Variants in EFHC2 observed in about 807,000 individuals in gnomAD.
EFHC2 encodes the protein EF-hand domain-containing family member C2.
A neutral mutation model predicts 52.7 loss-of-function variants in EFHC2; 18 were observed. The observed-to-expected ratio is 0.34, with a 90% confidence interval of 0.24 to 0.51. The LOEUF (loss-of-function observed/expected upper bound fraction) is 0.51. Ranked by LOEUF, EFHC2 falls within the 20% of genes least tolerant of loss-of-function variation. The pLI, the probability that EFHC2 is intolerant of heterozygous loss-of-function variation, is 0.97. For synonymous variants in EFHC2, 203 were observed against 204.1 expected, an observed-to-expected ratio of 0.99 and a Z score of 0.04; for missense variants, 513 against 562.5, an observed-to-expected ratio of 0.91 and a Z score of 0.89.
intron 11 of EFHC2, among the ~76,000 whole-genome samples, chrX:44,184,854 T>C (rs1448628582): frequency 2.7e-5 from 3 of 111,170 alleles, no homozygotes; most frequent in East Asian, 5.6e-4. Flanking sequence ...ATTTTGAAGA[T>C]AGTCTTTATC....
At chrX:44,284,874 A>T (rs9887166) in intron 2 of EFHC2, 80 of 111,643 alleles carry the variant, frequency 7.2e-4, no homozygotes, top group African/African-American at 2.6e-3. Flanking sequence ...ATTCAAAAGC[A>T]CAAAGAAAAG....
chrX:44,178,621 C>T, intron 11 of EFHC2, 57 bp from the exon 12 acceptor site: 1 of 938,156 alleles, frequency 1.1e-6, no homozygotes, highest in East Asian at 3.4e-5. Context: ...CAGTATTTTA[C>T]ATCTCCTTCT....
At position 44,205,619 on chromosome X, in the gene EFHC2, A is replaced by T. The variant is rs375031687; in HGVS notation, c.1751+24030T>A. Among the ~76,000 whole-genome samples the T allele has an allele frequency of 4.1e-4, 46 of 111,544 alleles. 3 individuals carry two copies. Among genetic ancestry groups the T allele is most frequent in the Admixed American group, 2.5e-3 (26 of 10,505 alleles). On this transcript the variant is annotated intron_variant, in intron 11 of 14. Transcript: ENST00000420999. ...CAACAACTTTAAACCAACGACATTA[A>T]AAAAGGACAAAGAAGGGCACTATAT... is the stretch of plus-strand genomic sequence containing the variant.
intron 2 of EFHC2, chrX:44,309,690 G>C: frequency 1.9e-6 from 2 of 1,050,638 alleles, no homozygotes; most frequent in Non-Finnish European, 2.7e-6. Context: ...CCTCTTCTCT[G>C]CTAATAAGTT....
At chrX:44,230,205 GGCAAC>G (rs2037265244) in intron 10 of EFHC2, among the ~76,000 whole-genome samples, 1 of 111,274 alleles carries the variant, frequency 9.0e-6, no homozygotes, top group Non-Finnish European at 1.9e-5. Flanking sequence ...CTGTCCATTA[GGCAAC>G]GCACTGATGA....
rs1044722609 is a variant in EFHC2 at position 44,212,208 on chromosome X, A to T, written c.1751+17441T>A. Among the ~76,000 whole-genome samples, 3 of 110,876 alleles carry T rather than the reference A, an allele frequency of 2.7e-5. No homozygotes were observed. The East Asian group carries it at 8.5e-4, about 32-fold the overall frequency. On this transcript the variant is annotated intron_variant, in intron 11 of 14. Coordinates refer to ENST00000420999, the MANE Select transcript of EFHC2 (RefSeq NM_025184.4). ...AATCCAGTCTGGGCAATGTAACAAG[A>T]CCCCACTTCTAAAAAAGAACAAAAA...
chrX:44,268,490 T>C (rs1422162335), intron 3 of EFHC2, among the ~76,000 whole-genome samples: 2 of 111,437 alleles, frequency 1.8e-5, no homozygotes, highest in African/African-American at 6.5e-5. Flanking sequence ...AAAACAATAA[T>C]GCAAGTCACT....
chrX:44,226,645 G>C (rs924622791), intron 11 of EFHC2, among the ~76,000 whole-genome samples: 2 of 110,878 alleles, frequency 1.8e-5, no homozygotes, highest in African/African-American at 6.6e-5. Flanking sequence ...GACACAATCA[G>C]CCTACAGGTC....
intron 14 of EFHC2, among the ~76,000 whole-genome samples, chrX:44,161,195 ATAGCAAAAATAG>A (rs2147268206): frequency 8.9e-6 from 1 of 112,303 alleles, no homozygotes; most frequent in East Asian, 2.8e-4. Context: ...ACAAAGGCTT[ATAGCAAAAATAG>A]GTATGTCCTG....
At position 44,242,306 on chromosome X, in the gene EFHC2, G is replaced by A; in HGVS notation, c.1112-17C>T. On this transcript the variant is annotated splice_polypyrimidine_tract_variant and intron_variant, in intron 7 of 14. Transcript: ENST00000420999. ...TAAAGTTCTCTAGAACAAAACAAAG[G>A]CAAACAAAACATCAATATTTTTTTT... The A allele has an allele frequency of 1.7e-6, 2 of 1,195,210 alleles. No homozygotes were observed. The highest frequency in any genetic ancestry group is 1.9e-5 in the South Asian group (1 of 52,962).
chrX:44,283,531 C>CT (rs1423388565), intron 2 of EFHC2, among the ~76,000 whole-genome samples: 1 of 86,957 alleles, frequency 1.1e-5, no homozygotes, highest in African/African-American at 5.5e-5. Flanking sequence ...CACGGAAGTA[C>CT]CTTTTTTTTT....
chrX:44,295,994 CA>C (rs1382569141), intron 2 of EFHC2, among the ~76,000 whole-genome samples: 1 of 111,209 alleles, frequency 9.0e-6, no homozygotes, highest in African/African-American at 3.3e-5. Context: ...ACTTCTCCCC[CA>C]AAAAAGCCTT....
At chrX:44,283,549 T>TA (rs1556019132) in intron 2 of EFHC2, among the ~76,000 whole-genome samples, 2 of 103,556 alleles carry the variant, frequency 1.9e-5, no homozygotes, top group Non-Finnish European at 2.0e-5. Flanking sequence ...TTTTTTTTTT[T>TA]ACATCCGGGA....
At chrX:44,249,791 T>C (rs2037428373) in intron 5 of EFHC2, among the ~76,000 whole-genome samples, 1 of 112,403 alleles carries the variant, frequency 8.9e-6, no homozygotes, top group Admixed American at 9.3e-5. Context: ...CACATGTAGG[T>C]GCACGTGTAT....
chrX:44,242,797 C>A (rs2037370232), intron 7 of EFHC2, among the ~76,000 whole-genome samples: 2 of 110,715 alleles, frequency 1.8e-5, no homozygotes, highest in South Asian at 7.7e-4. Context: ...TGAGTACCCT[C>A]CATTGCCTCC....
chrX:44,219,239 T>C (rs985525652), intron 11 of EFHC2, among the ~76,000 whole-genome samples: 5 of 109,336 alleles, frequency 4.6e-5, no homozygotes, highest in African/African-American at 1.3e-4. Context: ...TTGACTAGGA[T>C]GGAGCATGAG....
At chrX:44,162,974 G>T (rs182832966) in intron 14 of EFHC2, among the ~76,000 whole-genome samples, 1 of 112,134 alleles carries the variant, frequency 8.9e-6, no homozygotes, top group East Asian at 2.8e-4. Context: ...TTTATCTGGG[G>T]ATTACATTCA....
intron 3 of EFHC2, among the ~76,000 whole-genome samples, chrX:44,266,552 C>G (rs1422275095): frequency 9.1e-6 from 1 of 110,105 alleles, no homozygotes; most frequent in South Asian, 3.9e-4. Flanking sequence ...TCAGGCTGGT[C>G]TCAAACTCCC....
intron 14 of EFHC2, among the ~76,000 whole-genome samples, chrX:44,154,872 C>T (rs1440898163): frequency 8.9e-6 from 1 of 111,789 alleles, no homozygotes; most frequent in Non-Finnish European, 1.9e-5. Flanking sequence ...AAATCTTTGT[C>T]TCCAAGTCTG....
Sources: allele counts gnomAD v4.1 joint callset (sites outside exome capture counted in the v4.1 genomes callset), GRCh38; gene constraint gnomAD v4.1.1; transcripts MANE v1.5; gene names NCBI Gene and HGNC (gene_info 2026-07-23, HGNC 2026-07-21).